The following ARIH1 variants were observed in gnomAD, a reference collection of about 807,000 sequenced individuals.
ARIH1 encodes E3 ubiquitin-protein ligase ARIH1.
ARIH1 carries 8 observed loss-of-function variants against 85.0 expected under a neutral mutation model. The ratio of observed to expected loss-of-function variants is 0.09; its 90% confidence interval spans 0.06 to 0.17. The LOEUF is 0.17. Among genes scored for constraint, ARIH1 ranks in the 10% least tolerant of loss-of-function variants. The pLI is 1.00. For synonymous variants in ARIH1, 238 were observed against 253.6 expected, an observed-to-expected ratio of 0.94 and a Z score of 0.59; for missense variants, 311 against 718.1, an observed-to-expected ratio of 0.43 and a Z score of 6.48.
intron 11 of ARIH1, among the ~76,000 whole-genome samples, chr15:72,578,838 G>A (rs1484112572): frequency 6.8e-6 from 1 of 146,306 alleles, no homozygotes; most frequent in Non-Finnish European, 1.5e-5. Flanking sequence ...TTTTTCAGAG[G>A]TAGAGTCTCG....
intron 1 of ARIH1, among the ~76,000 whole-genome samples, chr15:72,485,030 T>C (rs1399392132): frequency 1.3e-5 from 2 of 152,190 alleles, no homozygotes; most frequent in Non-Finnish European, 1.5e-5. Context: ...GTTGTACTAG[T>C]TTACATTCCC....
intron 1 of ARIH1, among the ~76,000 whole-genome samples, chr15:72,508,087 G>A (rs1567342429): frequency 6.6e-6 from 1 of 152,132 alleles, no homozygotes; most frequent in Non-Finnish European, 1.5e-5. Flanking sequence ...GAATTGCTGG[G>A]GGCAAAGCCC....
chr15:72,583,000 A>G lies in ARIH1; in HGVS notation c.1590-208A>G, dbSNP rs975989599. ...CTTTAAAATTAATTCCCATGGAATC[A>G]TGGCTTTCAGAAAATACCATTTTAA... On this transcript the variant is annotated intron_variant, in intron 13 of 13. Coordinates refer to ENST00000379887, the MANE Select transcript of ARIH1 (RefSeq NM_005744.5). This position sits in a 1 kb window ranked among gnomAD's most constrained non-coding sequence, Gnocchi z 4.6. Among the ~76,000 whole-genome samples, 2 of 152,202 alleles carry G rather than the reference A, an allele frequency of 1.3e-5. No homozygotes were observed. Among genetic ancestry groups the G allele is most frequent in the African/African-American group, 4.8e-5 (2 of 41,450 alleles).
chr15:72,552,454 GT>G (rs1185433973), intron 3 of ARIH1, among the ~76,000 whole-genome samples: 1 of 151,966 alleles, frequency 6.6e-6, no homozygotes, highest in East Asian at 1.9e-4. Context: ...CACCTGGCTA[GT>G]TTTTTTGTAT....
rs751488457 is a variant in ARIH1, at chr15:72,587,320, T to C, written c.*4028T>C. 1 of 390,968 alleles carries C rather than the reference T, an allele frequency of 2.6e-6. No individual in the cohort carries two copies. Among genetic ancestry groups the C allele is most frequent in the Non-Finnish European group, 5.3e-6 (1 of 189,030 alleles). 24.2% of individuals were successfully genotyped at this position (390,968 alleles called of 1,614,324 possible). On this transcript the variant is annotated 3_prime_UTR_variant, in exon 14 of 14. Coordinates refer to ENST00000379887, the MANE Select transcript of ARIH1 (RefSeq NM_005744.5). ...AGGTAGTTCTTAACTATATTGTACTTTTAAACCACATTAAAGACTATTATA... is the reference window on the plus strand; with the variant it reads ...AGGTAGTTCTTAACTATATTGTACTCTTAAACCACATTAAAGACTATTATA...
intron 3 of ARIH1, among the ~76,000 whole-genome samples, chr15:72,546,712 G>C (rs1286953949): frequency 6.6e-6 from 1 of 151,662 alleles, no homozygotes; most frequent in African/African-American, 2.4e-5. Context: ...TTTTTTTGTA[G>C]AGACGGGGTT....
chr15:72,490,344 G>C (rs1166035117), intron 1 of ARIH1, among the ~76,000 whole-genome samples: 2 of 152,142 alleles, frequency 1.3e-5, no homozygotes, highest in Non-Finnish European at 2.9e-5. Context: ...TTGTGAACTG[G>C]GCAGCACAGC....
At position 72,587,961 on chromosome 15, in the gene ARIH1, CT is replaced by C. The variant is rs1464465245; in HGVS notation, c.*4670del. The C allele has an allele frequency of 2.6e-5, 4 of 152,148 alleles. No individual in the cohort carries two copies. The highest frequency in any genetic ancestry group is 2.6e-4 in the Admixed American group (4 of 15,262). The allele number at this position is 152,148 out of a possible 1,614,324, so 9.4% of individuals were successfully genotyped here. A position where few individuals can be genotyped will look rare whatever the true frequency, so the allele number is the denominator to read the frequency against. On this transcript the variant is annotated 3_prime_UTR_variant, in exon 14 of 14. Coordinates refer to ENST00000379887, the MANE Select transcript of ARIH1 (RefSeq NM_005744.5). The stretch of plus-strand genomic sequence containing the variant: ...TTATGTGCGAAAAGCAGTTTTCAGG[CT>C]ATCATTTAGGGCCACAGATATGCTT...
At chr15:72,492,896 A>C (rs1032802816) in intron 1 of ARIH1, among the ~76,000 whole-genome samples, 1 of 152,222 alleles carries the variant, frequency 6.6e-6, no homozygotes, top group Non-Finnish European at 1.5e-5. Context: ...TGAAGATTTA[A>C]GGATGGCAGT....
At chr15:72,491,065 G>A (rs1442593265) in intron 1 of ARIH1, among the ~76,000 whole-genome samples, 3 of 152,134 alleles carry the variant, frequency 2.0e-5, no homozygotes, top group African/African-American at 7.2e-5. Flanking sequence ...GCAGTGAGCC[G>A]AGATCGTGCC....
intron 1 of ARIH1, among the ~76,000 whole-genome samples, chr15:72,496,163 C>CA (rs1314109306): frequency 1.3e-5 from 2 of 152,206 alleles, no homozygotes; most frequent in Non-Finnish European, 2.9e-5. Context: ...TTCAGCCTAC[C>CA]AAAGTGTTGG....
chr15:72,552,660 A>G (rs936278164), intron 3 of ARIH1, among the ~76,000 whole-genome samples: 3 of 152,092 alleles, frequency 2.0e-5, no homozygotes, highest in African/African-American at 7.2e-5. Flanking sequence ...GTACTGTTAC[A>G]GTGTGTGTGT....
chr15:72,553,788 G>A (rs747108543), intron 3 of ARIH1, among the ~76,000 whole-genome samples: 1 of 152,222 alleles, frequency 6.6e-6, no homozygotes, highest in Non-Finnish European at 1.5e-5. Context: ...GTGGTGGTGC[G>A]TTTCTGTAGT....
intron 7 of ARIH1, 117 bp from the exon 8 acceptor site, chr15:72,566,446 C>A: frequency 1.2e-6 from 1 of 828,394 alleles, no homozygotes; most frequent in East Asian, 2.5e-5. Flanking sequence ...TTGTATTTGC[C>A]AGTCACTAGA....
intron 3 of ARIH1, among the ~76,000 whole-genome samples, chr15:72,553,351 T>C (rs2064161061): frequency 6.6e-6 from 1 of 152,192 alleles, no homozygotes; most frequent in Non-Finnish European, 1.5e-5. Context: ...AAAGTGTTAG[T>C]TACTATTATC....
In ARIH1 at chr15:72,590,562, G is replaced by C. The variant is rs1011978368; in HGVS notation, c.*7270G>C. The C allele has an allele frequency of 2.3e-5, 3 of 128,142 alleles. No individual in the cohort carries two copies. The highest frequency in any genetic ancestry group is 7.5e-5 in the African/African-American group (3 of 40,150). The allele number at this position is 128,142 out of a possible 1,614,324, so 7.9% of individuals were successfully genotyped here. ...ACCTTACTTTGATCTGATGACATGG[G>C]CTTTTTAAAAGATTACTATTTTTTT... On this transcript the variant is annotated 3_prime_UTR_variant, in exon 14 of 14. Coordinates refer to ENST00000379887, the MANE Select transcript of ARIH1 (RefSeq NM_005744.5).
intron 1 of ARIH1, among the ~76,000 whole-genome samples, chr15:72,489,442 G>A (rs1306712506): frequency 6.6e-6 from 1 of 152,170 alleles, no homozygotes; most frequent in Admixed American, 6.5e-5. Context: ...GAAGGTATCA[G>A]TGGCACCAAA....
In ARIH1 at chr15:72,521,266, G is replaced by A. The variant is rs976950008; in HGVS notation, c.443+3132G>A. Among the ~76,000 whole-genome samples, 33 of 120,898 alleles carry A rather than the reference G, an allele frequency of 2.7e-4. No individual in the cohort carries two copies. In the Admixed American group the frequency reaches 3.6e-3, roughly 13 times the overall value. 79.3% of individuals were successfully genotyped at this position (120,898 alleles called of 152,430 possible). A position where few individuals can be genotyped will look rare whatever the true frequency, so the allele number is the denominator to read the frequency against. On this transcript the variant is annotated intron_variant, in intron 2 of 13. Transcript: ENST00000379887. ...CCACTATTTTTTTTCTAAATACACT[G>A]TTTTTCTTAGAATATATCCTGTAAT...
At position 72,586,109 on chromosome 15, in the gene ARIH1, A is replaced by G. The variant is rs1172524857; in HGVS notation, c.*2817A>G. 1 of 152,196 alleles carries G rather than the reference A, an allele frequency of 6.6e-6. No homozygotes were observed. The highest frequency in any genetic ancestry group is 1.5e-5 in the Non-Finnish European group (1 of 68,028). 9.4% of individuals were successfully genotyped at this position (152,196 alleles called of 1,614,324 possible). On this transcript the variant is annotated 3_prime_UTR_variant, in exon 14 of 14. Coordinates refer to ENST00000379887, the MANE Select transcript of ARIH1 (RefSeq NM_005744.5). ...TGAGTAGCATATAATATCAGACTAAATTATCTGTAATTTTCCACAACCCAG... is the reference window on the plus strand; with the variant it reads ...TGAGTAGCATATAATATCAGACTAAGTTATCTGTAATTTTCCACAACCCAG...
Sources: allele counts gnomAD v4.1 joint callset (sites outside exome capture counted in the v4.1 genomes callset), GRCh38; gene constraint gnomAD v4.1.1; non-coding constraint Gnocchi (gnomAD v3.1); transcripts MANE v1.5; gene names NCBI Gene and HGNC (gene_info 2026-07-23, HGNC 2026-07-21).